The following RBM20 variants were observed in gnomAD, a reference collection of about 807,000 sequenced individuals.
RBM20 encodes the protein RNA binding motif protein 20.
A neutral mutation model predicts 110.1 loss-of-function variants in RBM20; 51 were observed. The observed-to-expected ratio is 0.46, with a 90% CI of 0.37 to 0.59. The LOEUF is 0.59. RBM20 is among the 20% of genes least tolerant of loss of function. The pLI is 0.00. For missense variants in RBM20, 1,512 were observed against 1,574.9 expected, an observed-to-expected ratio of 0.96 and a Z score of 0.68; for synonymous variants, 589 against 618.2, an observed-to-expected ratio of 0.95 and a Z score of 0.70.
At chr10:110,813,932 G>T (rs898110500) in intron 9 of RBM20, among the ~76,000 whole-genome samples, 1 of 122,832 alleles carries the variant, frequency 8.1e-6, no homozygotes, top group African/African-American at 2.9e-5. Flanking sequence ...AGTTCACACA[G>T]GGGCGTCACA....
intron 1 of RBM20, among the ~76,000 whole-genome samples, chr10:110,710,359 C>T (rs573433647): frequency 2.0e-5 from 3 of 152,322 alleles, no homozygotes; most frequent in African/African-American, 4.8e-5. Context: ...ACTGTGTGCT[C>T]GCACTTGCCT....
At chr10:110,733,622 G>A (rs1036912518) in intron 1 of RBM20, among the ~76,000 whole-genome samples, 2 of 152,198 alleles carry the variant, frequency 1.3e-5, no homozygotes, top group African/African-American at 4.8e-5. Flanking sequence ...TAATCCCTGG[G>A]GATCTTGCCT....
At chr10:110,814,683 A>T (rs1844817178) in intron 9 of RBM20, among the ~76,000 whole-genome samples, 1 of 152,124 alleles carries the variant, frequency 6.6e-6, no homozygotes, top group Non-Finnish European at 1.5e-5. Context: ...TTTAGTAGAG[A>T]CAGGGTTTCA....
intron 1 of RBM20, among the ~76,000 whole-genome samples, chr10:110,767,616 G>C (rs1260072351): frequency 6.6e-6 from 1 of 151,840 alleles, no homozygotes. Context: ...CTCAGACGGG[G>C]CGGACGGGCA....
Position 110,812,847 on chromosome 10 carries a change from G to T in RBM20, c.2450G>T (p.Gly817Val). 2.6e-6 allele frequency: 4 copies of T among 1,513,378 alleles called. No individual in the cohort carries two copies. Among genetic ancestry groups the T allele is most frequent in the Non-Finnish European group, 3.5e-6 (4 of 1,130,704 alleles). The allele number at this position is 1,513,378 out of a possible 1,614,324, so 93.7% of individuals were successfully genotyped here. Reference protein sequence around the residue: ...LGPKVTRAPEGAKAKQNEKNK... With the variant: ...LGPKVTRAPEVAKAKQNEKNK... ...CCAAAGGTCACTAGGGCCCCTGAGG[G>T]CGCCAAGGCCAAGCAGAATGAGAAA... Residue 817 changes from glycine (G) to valine (V), a missense_variant, in exon 9 of 14, where the codon GGC (glycine) becomes GTC (valine). Transcript: ENST00000369519.
chr10:110,810,481 A>G lies in RBM20; in HGVS notation c.1880+19A>G, dbSNP rs1350808746. 6.5e-7 allele frequency: 1 copy of G among 1,541,750 alleles called. No individual in the cohort carries two copies. On this transcript the variant is annotated intron_variant, in intron 8 of 13. Coordinates refer to ENST00000369519, the MANE Select transcript of RBM20 (RefSeq NM_001134363.3). The stretch of plus-strand genomic sequence containing the variant: ...CAGACAGGTGAGGCCCCAAGCCCCA[A>G]GTCTCCAGGCAGGTTCTGGGCAGTG...
chr10:110,819,061 C>T (rs1183561551), intron 9 of RBM20, among the ~76,000 whole-genome samples: 1 of 152,216 alleles, frequency 6.6e-6, no homozygotes, highest in Non-Finnish European at 1.5e-5. Flanking sequence ...GGGGGTGTGT[C>T]TGATTGTAAG....
intron 1 of RBM20, among the ~76,000 whole-genome samples, chr10:110,769,020 G>A (rs1844148856): frequency 6.6e-6 from 1 of 152,130 alleles, no homozygotes; most frequent in African/African-American, 2.4e-5. Flanking sequence ...TGGCTTGTGG[G>A]ACCCAAAGTA....
At chr10:110,724,579 C>G (rs926058033) in intron 1 of RBM20, among the ~76,000 whole-genome samples, 1 of 152,162 alleles carries the variant, frequency 6.6e-6, no homozygotes, top group Non-Finnish European at 1.5e-5. Flanking sequence ...TGGCTTCTCC[C>G]CACAAAGAGT....
chr10:110,727,986 CT>C (rs1369250537), intron 1 of RBM20, among the ~76,000 whole-genome samples: 1 of 152,128 alleles, frequency 6.6e-6, no homozygotes, highest in African/African-American at 2.4e-5. Context: ...TGAACTCATT[CT>C]TTTTTATGGC....
chr10:110,832,975 T>A (rs1272210822), intron 13 of RBM20, among the ~76,000 whole-genome samples: 17 of 152,110 alleles, frequency 1.1e-4, no homozygotes, highest in Admixed American at 1.1e-3. Flanking sequence ...GAAGACATAA[T>A]CAATCCCTTT....
intron 1 of RBM20, among the ~76,000 whole-genome samples, chr10:110,767,708 C>T (rs1448486894): frequency 2.0e-5 from 3 of 150,774 alleles, no homozygotes; most frequent in East Asian, 4.0e-4. Context: ...GGGGCAAAGG[C>T]GCTCCCCACA....
chr10:110,670,272 CA>C (rs1375441988), intron 1 of RBM20, among the ~76,000 whole-genome samples: 12 of 152,176 alleles, frequency 7.9e-5, no homozygotes, highest in African/African-American at 2.9e-4. Context: ...AAAAGTTTCA[CA>C]CCTTGGAGTT....
chr10:110,772,969 C>A (rs1195147808), intron 1 of RBM20, among the ~76,000 whole-genome samples: 1 of 152,142 alleles, frequency 6.6e-6, no homozygotes, highest in Non-Finnish European at 1.5e-5. Context: ...ATCCAGCTTT[C>A]TCATTTTACA....
chr10:110,658,540 C>T (rs539208032), intron 1 of RBM20, among the ~76,000 whole-genome samples: 23 of 152,192 alleles, frequency 1.5e-4, no homozygotes, highest in African/African-American at 4.1e-4. Context: ...TCCTCTTTTT[C>T]GTTTGAATTT....
At chr10:110,834,762 C>T (rs1845100899) in intron 13 of RBM20, among the ~76,000 whole-genome samples, 1 of 152,212 alleles carries the variant, frequency 6.6e-6, no homozygotes, top group Non-Finnish European at 1.5e-5. Flanking sequence ...CTGGTCTGCA[C>T]CCTTCTGTCT....
intron 11 of RBM20, 70 bp from the exon 12 acceptor site, chr10:110,823,410 T>C (rs1844939320): frequency 1.3e-6 from 2 of 1,492,270 alleles, no homozygotes; most frequent in Middle Eastern, 1.8e-4. Context: ...TTTCAGGGAC[T>C]CTTTGAGGCA....
chr10:110,817,847 A>AG (rs1028435841), intron 9 of RBM20, among the ~76,000 whole-genome samples: 2 of 152,236 alleles, frequency 1.3e-5, no homozygotes, highest in Non-Finnish European at 1.5e-5. Context: ...GCCGTAGCAG[A>AG]GAGCTGGCAT....
chr10:110,653,748 G>A, intron 1 of RBM20, among the ~76,000 whole-genome samples: 1 of 152,026 alleles, frequency 6.6e-6, no homozygotes, highest in South Asian at 2.1e-4. Context: ...TAGAGATGGG[G>A]TTTCACCATG....
Sources: allele counts gnomAD v4.1 joint callset (sites outside exome capture counted in the v4.1 genomes callset), GRCh38; gene constraint gnomAD v4.1.1; transcripts MANE v1.5; gene names NCBI Gene and HGNC (gene_info 2026-07-23, HGNC 2026-07-21).